The following MEF2C variants were observed in gnomAD, a reference collection of about 807,000 sequenced individuals.
MEF2C encodes myocyte-specific enhancer factor 2C.
MEF2C carries 6 observed loss-of-function variants against 50.5 expected under a neutral mutation model. The observed-to-expected ratio is 0.12, with a 90% CI of 0.07 to 0.23. MEF2C has a LOEUF of 0.23. Among genes scored for constraint, MEF2C ranks in the 10% least tolerant of loss-of-function variants. The probability of loss-of-function intolerance (pLI) is 1.00; values close to 1 mark genes in which losing one functional copy is unlikely to be tolerated. For synonymous variants in MEF2C, 183 were observed against 228.0 expected, an observed-to-expected ratio of 0.80 and a Z score of 1.78; for missense variants, 276 against 605.0, an observed-to-expected ratio of 0.46 and a Z score of 5.70.
intron 3 of MEF2C, among the ~76,000 whole-genome samples, chr5:88,786,720 C>T (rs1434238044): frequency 2.0e-5 from 3 of 152,120 alleles, no homozygotes; most frequent in African/African-American, 7.2e-5. Flanking sequence ...TACATATATG[C>T]ATTTAATGTC....
chr5:88,776,238 C>T (rs547624314), intron 3 of MEF2C, among the ~76,000 whole-genome samples: 13 of 152,138 alleles, frequency 8.5e-5, no homozygotes, highest in African/African-American at 3.1e-4. Context: ...ACAAACAATA[C>T]TTGTATATAT....
chr5:88,780,979 A>G (rs1787713547), intron 3 of MEF2C: 1 of 978,230 alleles, frequency 1.0e-6, no homozygotes, highest in Non-Finnish European at 1.2e-6. Flanking sequence ...GTTCACTAAG[A>G]GAACTTGGGC....
At chr5:88,723,949 A>C (rs1757441320) in intron 10 of MEF2C, among the ~76,000 whole-genome samples, 1 of 152,220 alleles carries the variant, frequency 6.6e-6, no homozygotes, top group Non-Finnish European at 1.5e-5. Flanking sequence ...CCTTAAGTGT[A>C]GATTAGCAAT....
At chr5:88,891,540 C>T (rs1041629106) in intron 1 of MEF2C, among the ~76,000 whole-genome samples, 4 of 151,810 alleles carry the variant, frequency 2.6e-5, no homozygotes, top group Non-Finnish European at 5.9e-5. Flanking sequence ...GTAGCTGGGA[C>T]TACAGGCGTC....
At chr5:88,848,634 T>G (rs897127754) in intron 1 of MEF2C, among the ~76,000 whole-genome samples, 1 of 152,142 alleles carries the variant, frequency 6.6e-6, no homozygotes, top group African/African-American at 2.4e-5. Flanking sequence ...ATTATAAAAA[T>G]GGGCACACTG....
At chr5:88,773,114 T>C (rs1783127925) in intron 3 of MEF2C, among the ~76,000 whole-genome samples, 1 of 152,232 alleles carries the variant, frequency 6.6e-6, no homozygotes, top group African/African-American at 2.4e-5. Context: ...TAGAACGAAG[T>C]TCTATGAGAG....
intron 7 of MEF2C, among the ~76,000 whole-genome samples, chr5:88,730,568 A>G (rs913695211): frequency 5.9e-5 from 9 of 152,188 alleles, no homozygotes; most frequent in African/African-American, 2.2e-4. Context: ...TGGCTGCCAG[A>G]GAGGGACCTA....
chr5:88,895,747 T>C (rs1835052568), intron 1 of MEF2C, among the ~76,000 whole-genome samples: 1 of 152,176 alleles, frequency 6.6e-6, no homozygotes, highest in African/African-American at 2.4e-5. Context: ...CGAGTGCTTC[T>C]TTCTCCTCTG....
intron 3 of MEF2C, among the ~76,000 whole-genome samples, chr5:88,801,254 A>T (rs1474302658): frequency 6.6e-6 from 1 of 152,214 alleles, no homozygotes; most frequent in Non-Finnish European, 1.5e-5. Context: ...ACCCTTCATG[A>T]AACATATTAT....
chr5:88,858,209 C>T (rs1045359486), intron 1 of MEF2C, among the ~76,000 whole-genome samples: 8 of 152,164 alleles, frequency 5.3e-5, no homozygotes, highest in Non-Finnish European at 1.0e-4. Context: ...CTTCCCTCCA[C>T]GCTCCTACAT....
chr5:88,840,381 T>C (rs754644883), intron 1 of MEF2C, among the ~76,000 whole-genome samples: 7 of 152,212 alleles, frequency 4.6e-5, no homozygotes, highest in Non-Finnish European at 7.4e-5. Flanking sequence ...CGCTGGTTTT[T>C]ATTTTTTCGC....
At chr5:88,897,600 C>G (rs931234645) in intron 1 of MEF2C, among the ~76,000 whole-genome samples, 2 of 152,122 alleles carry the variant, frequency 1.3e-5, no homozygotes, top group Admixed American at 1.3e-4. Context: ...TTAAGAAAAA[C>G]TTAAGAATGA....
intron 1 of MEF2C, among the ~76,000 whole-genome samples, chr5:88,846,680 C>A (rs1819479334): frequency 6.6e-6 from 1 of 152,154 alleles, no homozygotes; most frequent in African/African-American, 2.4e-5. Context: ...TTCAGTATGT[C>A]AGTCACATGA....
chr5:88,735,930 CT>C (rs1763884458), intron 6 of MEF2C: 4 of 985,234 alleles, frequency 4.1e-6, no homozygotes, highest in Non-Finnish European at 4.8e-6. Context: ...TCACTTGTTT[CT>C]TTTTCTTTTC....
At chr5:88,742,041 C>A in intron 6 of MEF2C, 1 of 985,318 alleles carries the variant, frequency 1.0e-6, no homozygotes, top group Non-Finnish European at 1.2e-6. Context: ...GTAAGTGTAA[C>A]TGCAAAATTT....
At chr5:88,781,247 T>C (rs1449384581) in intron 3 of MEF2C, among the ~76,000 whole-genome samples, 1 of 152,196 alleles carries the variant, frequency 6.6e-6, no homozygotes, top group Non-Finnish European at 1.5e-5. Context: ...AAGATTTCAG[T>C]GTCCAAAGTA....
intron 3 of MEF2C, among the ~76,000 whole-genome samples, chr5:88,796,019 T>C (rs919783077): frequency 6.6e-6 from 1 of 152,220 alleles, no homozygotes; most frequent in Non-Finnish European, 1.5e-5. Flanking sequence ...AAGCTTTTGA[T>C]GTGCTGCTGG....
intron 4 of MEF2C, among the ~76,000 whole-genome samples, chr5:88,758,852 G>A (rs937636806): frequency 1.3e-5 from 2 of 152,108 alleles, no homozygotes; most frequent in Admixed American, 6.6e-5. Context: ...AAGAAATCAC[G>A]TATCTTGATC....
intron 3 of MEF2C, among the ~76,000 whole-genome samples, chr5:88,799,867 C>T (rs1268064507): frequency 1.0e-5 from 1 of 98,800 alleles, no homozygotes; most frequent in Non-Finnish European, 2.1e-5. Flanking sequence ...CTCTCTCTCT[C>T]TCTCACACAC....
Sources: allele counts gnomAD v4.1 joint callset (sites outside exome capture counted in the v4.1 genomes callset), GRCh38; gene constraint gnomAD v4.1.1; transcripts MANE v1.5; gene names NCBI Gene and HGNC (gene_info 2026-07-23, HGNC 2026-07-21).